POGK: variants seen among roughly 807,000 people sequenced by gnomAD.
POGK encodes the protein pogo transposable element derived with KRAB domain.
POGK carries 16 observed loss-of-function variants against 54.4 expected under a neutral mutation model. The observed-to-expected ratio is 0.29, with a 90% CI of 0.20 to 0.45. The LOEUF is 0.45. Ranked by LOEUF, POGK falls within the 20% of genes least tolerant of loss-of-function variation. POGK has a pLI of 1.00. For synonymous variants in POGK, 271 were observed against 302.2 expected (o/e 0.90, Z 1.07); for missense variants, 515 against 795.6 (o/e 0.65, Z 4.24).
intron 1 of POGK, chr1:166,840,197 G>C (rs186755565): frequency 6.6e-6 from 1 of 152,406 alleles, no homozygotes; most frequent in East Asian, 1.9e-4. Context: ...AATTGCCCGC[G>C]CCCATAGAGG....
chr1:166,844,389 C>T (rs2101751998), intron 2 of POGK, among the ~76,000 whole-genome samples: 1 of 152,208 alleles, frequency 6.6e-6, no homozygotes, highest in Admixed American at 6.5e-5. Context: ...GCCAAAGAGA[C>T]AGTTCTTTAA....
At position 166,855,120 on chromosome 1, in the gene POGK, C is replaced by A. The variant is rs533865724; in HGVS notation, c.*2550C>A. ...GATAAGAACGTGCTAAATAACAAAC[C>A]TGCACACTTGTACCTCTGAACCTAA... On this transcript the variant is annotated 3_prime_UTR_variant, in exon 6 of 6. Coordinates refer to ENST00000367876, the MANE Select transcript of POGK (RefSeq NM_017542.5). 1 of 151,800 alleles carries A rather than the reference C, an allele frequency of 6.6e-6. No homozygotes were observed. Among genetic ancestry groups the A allele is most frequent in the South Asian group, 2.1e-4 (1 of 4,828 alleles). The allele number at this position is 151,800 out of a possible 1,614,324, so 9.4% of individuals were successfully genotyped here.
intron 3 of POGK, among the ~76,000 whole-genome samples, chr1:166,846,963 GCA>G (rs1470970953): frequency 6.6e-6 from 1 of 152,124 alleles, no homozygotes; most frequent in Non-Finnish European, 1.5e-5. Context: ...TTCAACCCAG[GCA>G]TTCACATTTA....
chr1:166,840,645 A>G (rs1400085734), intron 1 of POGK, among the ~76,000 whole-genome samples: 1 of 152,180 alleles, frequency 6.6e-6, no homozygotes, highest in Non-Finnish European at 1.5e-5. Context: ...AACCTTTTCC[A>G]GGAGTATTTA....
At position 166,840,979 on chromosome 1, in the gene POGK, T is replaced by G. The variant is rs1657478514; in HGVS notation, c.23T>G (p.Leu8Arg). The G allele has an allele frequency of 5.0e-6, 8 of 1,613,844 alleles. No homozygotes were observed. Among genetic ancestry groups the G allele is most frequent in the Non-Finnish European group, 5.9e-6 (7 of 1,179,946 alleles). ...GAGATGGAGTCCACAGCCTACCCTC[T>G]CAATTTGAGCCTGAAAGAAGAGGAA... is the stretch of plus-strand genomic sequence containing the variant. MESTAYPLNLSLKEEEEE... is the reference protein window; with the variant it reads MESTAYPRNLSLKEEEEE... The change falls in exon 2 of 6, where the codon CTC becomes CGC. Residue 8 changes from leucine to arginine, a missense_variant. Leu to Arg is a moderately radical substitution (Grantham distance 102, BLOSUM62 -2). Around this residue, in one of 2 missense-constraint regions of POGK, gnomAD observed 54 missense variants for 52.0 expected, o/e 1.04. Transcript: ENST00000367876.
At chr1:166,851,120 T>A (rs1257947180) in intron 5 of POGK, 1 of 152,166 alleles carries the variant, frequency 6.6e-6, no homozygotes, top group African/African-American at 2.4e-5. Context: ...AAAAGCCAAC[T>A]TTTTTCTTTC....
chr1:166,841,010 A>G lies in POGK; in HGVS notation c.54A>G (p.Glu18=). 3 of 1,614,112 alleles carry G rather than the reference A, an allele frequency of 1.9e-6. No homozygotes were observed. The highest frequency in any genetic ancestry group is 2.5e-6 in the Non-Finnish European group (3 of 1,179,978). ...LNLSLKEEEE[E]EEIQSRELED... ...TGAGCCTGAAAGAAGAGGAAGAGGA[A>G]GAAGAGATTCAGAGCCGGGAACTAG... Residue 18 remains glutamate (E), a synonymous_variant, in exon 2 of 6, where the codon GAA becomes GAG. Transcript: ENST00000367876.
intron 1 of POGK, chr1:166,840,510 TTGAG>T (rs1292599935): frequency 6.5e-6 from 1 of 154,518 alleles, no homozygotes; most frequent in East Asian, 1.9e-4. Flanking sequence ...CCCATTCCAG[TTGAG>T]TAAGTGTCCA....
rs963136928 is a variant in POGK at position 166,855,540 on chromosome 1, C to G, written c.*2970C>G. 5 of 152,244 alleles carry G rather than the reference C, an allele frequency of 3.3e-5. No individual in the cohort carries two copies. The highest frequency in any genetic ancestry group is 6.5e-5 in the Admixed American group (1 of 15,280). 9.4% of individuals were successfully genotyped at this position (152,244 alleles called of 1,614,324 possible). A position where few individuals can be genotyped will look rare whatever the true frequency, so the allele number is the denominator to read the frequency against. ...TGCCCTGCACTTTACCCCATCATCTCCCCTCCTTAGAAAATGATTTCATAG... is the reference window on the plus strand; with the variant it reads ...TGCCCTGCACTTTACCCCATCATCTGCCCTCCTTAGAAAATGATTTCATAG... On this transcript the variant is annotated 3_prime_UTR_variant, in exon 6 of 6. Coordinates refer to ENST00000367876, the MANE Select transcript of POGK (RefSeq NM_017542.5).
chr1:166,847,671 G>A, intron 4 of POGK, 79 bp downstream of exon 4: 1 of 1,080,914 alleles, frequency 9.3e-7, no homozygotes, highest in South Asian at 1.4e-5. Flanking sequence ...ATTCCACGGG[G>A]TATTTAAGAG....
rs1179657267 is a variant in POGK at position 166,849,519 on chromosome 1, A to T, written c.940A>T (p.Met314Leu). The T allele has an allele frequency of 6.2e-7, 1 of 1,614,158 alleles. No homozygotes were observed. Among genetic ancestry groups the T allele is most frequent in the Non-Finnish European group, 8.5e-7 (1 of 1,180,052 alleles). The change falls in exon 5 of 6, where the codon ATG becomes TTG. Residue 314 changes from methionine to leucine, a missense_variant. Around this residue, in one of 2 missense-constraint regions of POGK, gnomAD observed 461 missense variants for 743.5 expected, o/e 0.62. Transcript: ENST00000367876. ...KASLGWCRRM[M>L]RRYDLSLRHK... is the part of the protein sequence containing the mutation. ...AAGCTTGGGTTGGTGTCGAAGAATG[A>T]TGAGAAGGTATGACCTGTCTCTGAG...
At chr1:166,839,913 C>CGGT (rs1183443275) in intron 1 of POGK, 2 of 152,256 alleles carry the variant, frequency 1.3e-5, no homozygotes, top group Non-Finnish European at 2.9e-5. Flanking sequence ...GGCGCGGCGG[C>CGGT]GGTGGCGCAG....
intron 2 of POGK, among the ~76,000 whole-genome samples, chr1:166,841,797 C>T (rs1391119550): frequency 6.6e-6 from 1 of 152,074 alleles, no homozygotes; most frequent in African/African-American, 2.4e-5. Context: ...TACATAGTAT[C>T]CTTTGCTTCC....
At chr1:166,845,210 A>G (rs760474123) in intron 2 of POGK, among the ~76,000 whole-genome samples, 19 of 151,942 alleles carry the variant, frequency 1.3e-4, no homozygotes, top group Non-Finnish European at 2.1e-4. Flanking sequence ...TCCTTGATTA[A>G]GTAGGGGCAT....
chr1:166,848,141 C>T lies in POGK; in HGVS notation c.358+549C>T, dbSNP rs532862870. On this transcript the variant is annotated intron_variant, in intron 4 of 5. Transcript: ENST00000367876. ...GGCCAAAATAGTTTTATCTTTTCTC[C>T]GGAAGTAAGAGTTTAAAATGCCATA... Among the ~76,000 whole-genome samples the T allele has an allele frequency of 2.9e-3, 434 of 152,274 alleles. 1 individual carries two copies. Among genetic ancestry groups the T allele is most frequent in the African/African-American group, 6.5e-3 (268 of 41,546 alleles).
intron 2 of POGK, among the ~76,000 whole-genome samples, chr1:166,845,640 A>G (rs1158646146): frequency 6.6e-6 from 1 of 152,256 alleles, no homozygotes; most frequent in African/African-American, 2.4e-5. Context: ...CCCAAGATAC[A>G]GCTTTGGGAA....
At position 166,841,083 on chromosome 1, in the gene POGK, G is replaced by C. The variant is rs1424872450; in HGVS notation, c.127G>C (p.Gly43Arg). 6.2e-7 allele frequency: 1 copy of C among 1,613,648 alleles called. No homozygotes were observed. The highest frequency in any genetic ancestry group is 1.7e-5 in the Admixed American group (1 of 60,020). ...MQKVRICSEGGWVPALFDEVA... is the reference protein window; with the variant it reads ...MQKVRICSEGRWVPALFDEVA... ...GAAAGTACGAATCTGCTCTGAGGGCGGATGGGTAAGTAAGAAGGTGTGGAG... is the reference window on the plus strand; with the variant it reads ...GAAAGTACGAATCTGCTCTGAGGGCCGATGGGTAAGTAAGAAGGTGTGGAG... The change falls in exon 2 of 6, where the codon GGA (glycine) becomes CGA (arginine). Residue 43 changes from glycine (G) to arginine (R), a missense_variant. Around this residue, in one of 2 missense-constraint regions of POGK, gnomAD observed 54 missense variants for 52.0 expected, o/e 1.04. Coordinates refer to ENST00000367876, the MANE Select transcript of POGK (RefSeq NM_017542.5).
In POGK at chr1:166,849,728, A is replaced by G. The variant is rs758651888; in HGVS notation, c.1149A>G (p.Glu383=). 1.1e-5 allele frequency: 18 copies of G among 1,614,280 alleles called. No individual in the cohort carries two copies. The highest frequency in any genetic ancestry group is 1.5e-5 in the Non-Finnish European group (18 of 1,180,054). Residue 383 remains glutamate (E), a synonymous_variant, in exon 5 of 6, where the codon GAA becomes GAG. Coordinates refer to ENST00000367876, the MANE Select transcript of POGK (RefSeq NM_017542.5). ...PSRVTVDNQG[E]KPVLVKTPGR... ...GGGTAACTGTTGATAACCAGGGCGA[A>G]AAGCCTGTCTTGGTCAAGACACCAG...
chr1:166,854,781 A>G lies in POGK; in HGVS notation c.*2211A>G, dbSNP rs958536286. ...AGGGATCTGAATTTTAAATGAAAGT[A>G]TGATGAACCCGCAAGTCTTAATTAT... On this transcript the variant is annotated 3_prime_UTR_variant, in exon 6 of 6. Coordinates refer to ENST00000367876, the MANE Select transcript of POGK (RefSeq NM_017542.5). 1 of 152,256 alleles carries G rather than the reference A, an allele frequency of 6.6e-6. No homozygotes were observed. The highest frequency in any genetic ancestry group is 1.5e-5 in the Non-Finnish European group (1 of 68,046). 9.4% of individuals were successfully genotyped at this position (152,256 alleles called of 1,614,324 possible). A position where few individuals can be genotyped will look rare whatever the true frequency, so the allele number is the denominator to read the frequency against.
Sources: allele counts gnomAD v4.1 joint callset (sites outside exome capture counted in the v4.1 genomes callset), GRCh38; gene constraint gnomAD v4.1.1; regional missense constraint gnomAD v4.1.1; transcripts MANE v1.5; gene names NCBI Gene and HGNC (gene_info 2026-07-23, HGNC 2026-07-21).